SCRG1: variants seen among roughly 807,000 people sequenced by gnomAD.
SCRG1 encodes scrapie-responsive protein 1.
A neutral mutation model predicts 7.7 loss-of-function variants in SCRG1; 3 were observed. The observed-to-expected ratio is 0.39, with a 90% CI of 0.18 to 1.01. The LOEUF (loss-of-function observed/expected upper bound fraction) is 1.01. Ranked by LOEUF, SCRG1 falls within the 50% of genes least tolerant of loss-of-function variation. The pLI is 0.36. For missense variants in SCRG1, 110 were observed against 117.2 expected, an observed-to-expected ratio of 0.94 and a Z score of 0.28; for synonymous variants, 46 against 41.2, an observed-to-expected ratio of 1.12 and a Z score of -0.44.
upstream of SCRG1, among the ~76,000 whole-genome samples, chr4:173,409,010 A>AAG (rs1553965308): frequency 1.3e-4 from 19 of 146,366 alleles, no homozygotes; most frequent in South Asian, 4.5e-4. Context: ...AAAAAAAAAA[A>AAG]AAAAGAAAAG....
At chr4:173,498,732 A>C in the SCRG1 span, among the ~76,000 whole-genome samples, 1 of 152,178 alleles carries the variant, frequency 6.6e-6, no homozygotes, top group East Asian at 1.9e-4. Flanking sequence ...CTGTATATGT[A>C]TGTATATGTG....
At position 173,386,117 on chromosome 4, in the gene SCRG1, G is replaced by A. The variant is rs1223187462; in HGVS notation, c.*2224C>T. On this transcript the variant is annotated 3_prime_UTR_variant, in exon 3 of 3. Coordinates refer to ENST00000296506, the MANE Select transcript of SCRG1 (RefSeq NM_007281.4). The stretch of plus-strand genomic sequence containing the variant: ...AGGAGCTTACACTGTTCGAAAACAT[G>A]TTCTGACTTGTGTTTATATACACTT... 1 of 152,038 alleles carries A rather than the reference G, an allele frequency of 6.6e-6. No individual in the cohort carries two copies. Among genetic ancestry groups the A allele is most frequent in the Non-Finnish European group, 1.5e-5 (1 of 68,016 alleles). 9.4% of individuals were successfully genotyped at this position (152,038 alleles called of 1,614,324 possible).
chr4:173,470,096 T>G, the SCRG1 span: 35 of 148,510 alleles, frequency 2.4e-4, no homozygotes, highest in African/African-American at 7.6e-4. Flanking sequence ...CCTTCGTTTC[T>G]CTTTTTTCTC....
the SCRG1 span, among the ~76,000 whole-genome samples, chr4:173,451,037 A>G: frequency 1.3e-5 from 2 of 152,144 alleles, no homozygotes; most frequent in Non-Finnish European, 2.9e-5. Context: ...GTTTGAGGTT[A>G]TCCAGTATAG....
the SCRG1 span, among the ~76,000 whole-genome samples, chr4:173,446,873 A>C: frequency 6.6e-6 from 1 of 152,252 alleles, no homozygotes; most frequent in Non-Finnish European, 1.5e-5. Flanking sequence ...CTTTACTTGA[A>C]AGAATGACTG....
At chr4:173,483,415 T>TTATATCATGATATATATTATATGA in the SCRG1 span, among the ~76,000 whole-genome samples, 2 of 38,468 alleles carry the variant, frequency 5.2e-5, no homozygotes, top group African/African-American at 1.7e-4. Flanking sequence ...ATATTATATA[T>TTATATCATGATATATATTATATGA]TATATCATGA....
the SCRG1 span, among the ~76,000 whole-genome samples, chr4:173,427,871 G>GA: frequency 6.6e-6 from 1 of 152,156 alleles, no homozygotes; most frequent in Non-Finnish European, 1.5e-5. Flanking sequence ...AGAAATCCTG[G>GA]AATATAAGAA....
chr4:173,420,717 A>T, the SCRG1 span, among the ~76,000 whole-genome samples: 3 of 152,152 alleles, frequency 2.0e-5, no homozygotes, highest in Admixed American at 6.5e-5. Context: ...AAAAAAAAAA[A>T]AGAAAAGCAA....
intron 1 of SCRG1, among the ~76,000 whole-genome samples, chr4:173,393,974 T>G (rs1739524332): frequency 6.6e-6 from 1 of 152,164 alleles, no homozygotes; most frequent in African/African-American, 2.4e-5. Context: ...GTATCTTTTT[T>G]CATTTCTTTA....
the SCRG1 span, among the ~76,000 whole-genome samples, chr4:173,426,471 A>G: frequency 6.6e-6 from 1 of 152,088 alleles, no homozygotes; most frequent in Admixed American, 6.5e-5. Flanking sequence ...AGTCCTATTT[A>G]TTTTTATTTT....
chr4:173,419,322 G>T, the SCRG1 span: 2 of 767,494 alleles, frequency 2.6e-6, no homozygotes, highest in South Asian at 1.7e-5. Flanking sequence ...TTCTGAGCAA[G>T]GGATATTTTG....
At chr4:173,481,560 T>C in the SCRG1 span, among the ~76,000 whole-genome samples, 1 of 152,126 alleles carries the variant, frequency 6.6e-6, no homozygotes, top group Non-Finnish European at 1.5e-5. Flanking sequence ...ATTAAGTGTG[T>C]CTGGCTCTCC....
At chr4:173,416,806 A>G in the SCRG1 span, among the ~76,000 whole-genome samples, 1 of 151,854 alleles carries the variant, frequency 6.6e-6, no homozygotes, top group Admixed American at 6.6e-5. Context: ...TTTCTGAGGA[A>G]CCATCAGCTG....
At chr4:173,417,617 T>TCCTC in the SCRG1 span, among the ~76,000 whole-genome samples, 3 of 148,558 alleles carry the variant, frequency 2.0e-5, no homozygotes, top group Non-Finnish European at 4.5e-5. Context: ...CTTCCTTCCT[T>TCCTC]CCTCCCTTCC....
chr4:173,518,889 G>C, the SCRG1 span, among the ~76,000 whole-genome samples: 1 of 138,586 alleles, frequency 7.2e-6, no homozygotes, highest in Admixed American at 7.9e-5. Context: ...CTCCTTTTCT[G>C]CTCAGGAGTG....
chr4:173,409,353 G>A (rs1454911849), upstream of SCRG1, among the ~76,000 whole-genome samples: 4 of 152,120 alleles, frequency 2.6e-5, no homozygotes, highest in Non-Finnish European at 5.9e-5. Flanking sequence ...GTGTGACAGA[G>A]GGCCCTTCAG....
In SCRG1 at chr4:173,388,407, T is replaced by C. The variant is rs758473788; in HGVS notation, c.243-12A>G. 6 of 1,598,088 alleles carry C rather than the reference T, an allele frequency of 3.8e-6. No homozygotes were observed. Among genetic ancestry groups the C allele is most frequent in the Admixed American group, 3.4e-5 (2 of 59,392 alleles). On this transcript the variant is annotated splice_polypyrimidine_tract_variant and intron_variant, in intron 2 of 2. Coordinates refer to ENST00000296506, the MANE Select transcript of SCRG1 (RefSeq NM_007281.4). The stretch of plus-strand genomic sequence containing the variant: ...CAAAGAAAACGTCTCTGAAAGAAAA[T>C]AGAGCATCAATTAAATTCACCTTAA...
At chr4:173,409,362 A>G (rs1036837590), upstream of SCRG1, among the ~76,000 whole-genome samples, 1 of 152,058 alleles carries the variant, frequency 6.6e-6, no homozygotes, top group African/African-American at 2.4e-5. Context: ...AGGGCCCTTC[A>G]GATGCTTAGC....
At chr4:173,459,225 C>G in the SCRG1 span, among the ~76,000 whole-genome samples, 1 of 152,148 alleles carries the variant, frequency 6.6e-6, no homozygotes, top group Non-Finnish European at 1.5e-5. Flanking sequence ...AGAAAATCAA[C>G]AAGGCAACAT....
Sources: gnomAD v4.1 joint callset for allele counts (sites outside exome capture counted in the v4.1 genomes callset) on GRCh38, gnomAD v4.1.1 for gene constraint, MANE v1.5 for transcripts, NCBI Gene and HGNC (gene_info 2026-07-23, HGNC 2026-07-21) for gene names.